Variants in SQSTM1 observed in about 807,000 individuals in gnomAD.
SQSTM1 encodes the protein sequestosome 1.
A neutral mutation model predicts 45.1 loss-of-function variants in SQSTM1; 36 were observed. That is an observed-to-expected ratio of 0.80 (90% CI 0.61 to 1.05). SQSTM1 has a LOEUF of 1.05. SQSTM1 is among the 50% of genes least tolerant of loss of function. The pLI is 0.00. For missense variants in SQSTM1, 617 were observed against 607.1 expected, an observed-to-expected ratio of 1.02 and a Z score of -0.17; for synonymous variants, 290 against 244.3, an observed-to-expected ratio of 1.19 and a Z score of -1.74.
intron 5 of SQSTM1, 91 bp from the exon 6 acceptor site, chr5:179,832,940 CG>C (rs1325211896): frequency 1.9e-4 from 244 of 1,285,006 alleles, no homozygotes; most frequent in Non-Finnish European, 2.6e-4. Context: ...TTGAGATCTT[CG>C]TGAGTCTGTA....
In SQSTM1 at chr5:179,837,338, A is replaced by C; in HGVS notation, c.*745A>C. ...AGTATCTTTAAAAGTGCCTTAGGGG[A>C]ACCCTGTCCCTCCTAACAAGTGTAT... On this transcript the variant is annotated 3_prime_UTR_variant, in exon 8 of 8. Transcript: ENST00000389805. The C allele has an allele frequency of 6.3e-7, 1 of 1,584,814 alleles. No individual in the cohort carries two copies. Among genetic ancestry groups the C allele is most frequent in the Non-Finnish European group, 8.6e-7 (1 of 1,165,496 alleles).
chr5:179,825,031 T>C, intron 4 of SQSTM1, 115 bp from the exon 5 acceptor site: 1 of 1,003,168 alleles, frequency 1.0e-6, no homozygotes, highest in Non-Finnish European at 1.5e-6. Flanking sequence ...CTGGACAAGA[T>C]GTCCGGGTTA....
chr5:179,821,237 C>G (rs898032145), intron 1 of SQSTM1, 96 bp downstream of exon 1: 3 of 1,201,716 alleles, frequency 2.5e-6, no homozygotes, highest in Non-Finnish European at 3.2e-6. Flanking sequence ...CGACGCCTGG[C>G]GGGCCGTGAG....
chr5:179,833,839 CCCT>C (rs1561606366), intron 7 of SQSTM1, 57 bp downstream of exon 7: 5 of 1,571,226 alleles, frequency 3.2e-6, no homozygotes, highest in East Asian at 2.2e-5. Context: ...GAGCATCCTG[CCCT>C]CCTCTGATTT....
chr5:179,828,361 T>A (rs1421343270), intron 5 of SQSTM1, among the ~76,000 whole-genome samples: 31 of 149,930 alleles, frequency 2.1e-4, no homozygotes, highest in African/African-American at 6.2e-4. Context: ...ACCTTTTTTT[T>A]TTCTTATCTT....
chr5:179,825,004 G>A (rs1008087696), intron 4 of SQSTM1, 142 bp from the exon 5 acceptor site: 2 of 759,864 alleles, frequency 2.6e-6, no homozygotes, highest in Admixed American at 2.0e-5. Flanking sequence ...AAGGAGAGGG[G>A]GATGCTGAGT....
At chr5:179,822,273 G>A (rs560739061) in intron 1 of SQSTM1, among the ~76,000 whole-genome samples, 1 of 152,188 alleles carries the variant, frequency 6.6e-6, no homozygotes, top group South Asian at 2.1e-4. Context: ...GTTTTTTTTG[G>A]AGGAATAATA....
In SQSTM1 at chr5:179,806,491, C is replaced by G. The variant is rs1376584029; in HGVS notation, c.-257C>G. Reference sequence around the variant, plus strand: ...CCGGGCGGGGGTCGCGCTCACCTTTCTGGCCGCTGAGTGCCGCGTACCAGG... The same window carrying G: ...CCGGGCGGGGGTCGCGCTCACCTTTGTGGCCGCTGAGTGCCGCGTACCAGG... On this transcript the variant is annotated 5_prime_UTR_variant, in exon 1 of 6. Coordinates refer to the SQSTM1 transcript ENST00000514093. The surrounding 1 kb of genome is among the most constrained non-coding windows in gnomAD (Gnocchi z 4.6). 6.9e-6 allele frequency: 9 copies of G among 1,306,778 alleles called. No homozygotes were observed. The Admixed American group carries it at 1.6e-4, about 23-fold the overall frequency. 80.9% of individuals were successfully genotyped at this position (1,306,778 alleles called of 1,614,324 possible).
chr5:179,837,665 T>G lies in SQSTM1; in HGVS notation c.*1072T>G, dbSNP rs1318586958. The G allele has an allele frequency of 8.7e-6, 14 of 1,614,058 alleles. No individual in the cohort carries two copies. The highest frequency in any genetic ancestry group is 1.2e-5 in the Non-Finnish European group (14 of 1,180,042). ...CTGTGCTGGACCAGCTGGCCTGGGG[T>G]CCCTCTGAAGAGACCTTGGCTGCTC... is the stretch of plus-strand genomic sequence containing the variant. On this transcript the variant is annotated 3_prime_UTR_variant, in exon 8 of 8. Coordinates refer to ENST00000389805, the MANE Select transcript of SQSTM1 (RefSeq NM_003900.5).
intron 7 of SQSTM1, chr5:179,835,566 A>G (rs1161681120): frequency 6.4e-6 from 1 of 157,224 alleles, no homozygotes; most frequent in Non-Finnish European, 1.4e-5. Flanking sequence ...CGCACCTGCA[A>G]TCGCAGGCAC....
At chr5:179,828,463 TC>T (rs1190420196) in intron 5 of SQSTM1, among the ~76,000 whole-genome samples, 2 of 145,176 alleles carry the variant, frequency 1.4e-5, no homozygotes, top group African/African-American at 2.6e-5. Context: ...AACCTCTGCC[TC>T]CCGGGTTCAA....
At chr5:179,824,394 G>A (rs539787145) in intron 4 of SQSTM1, 71 bp downstream of exon 4, 2 of 1,608,062 alleles carry the variant, frequency 1.2e-6, no homozygotes, top group Admixed American at 1.7e-5. Flanking sequence ...GGGCCCTTGT[G>A]CAAAGCGTGT....
At chr5:179,823,739 G>A (rs965470783) in intron 2 of SQSTM1, 119 bp from the exon 3 acceptor site, 2 of 1,133,704 alleles carry the variant, frequency 1.8e-6, no homozygotes, top group South Asian at 1.4e-5. Flanking sequence ...ATTTTGTGTG[G>A]ATTCCATGCT....
At chr5:179,819,694 G>A (rs982443478), upstream of SQSTM1, among the ~76,000 whole-genome samples, 1 of 152,176 alleles carries the variant, frequency 6.6e-6, no homozygotes, top group Admixed American at 6.5e-5. Context: ...AGGCCCTGGG[G>A]CATTTTCCAC....
In SQSTM1 at chr5:179,822,965, C is replaced by T. The variant is rs780842511; in HGVS notation, c.213C>T (p.Asp71=). 7 of 1,614,030 alleles carry T rather than the reference C, an allele frequency of 4.3e-6. No individual in the cohort carries two copies. Among genetic ancestry groups the T allele is most frequent in the Middle Eastern group, 1.6e-4 (1 of 6,062 alleles). The change falls in exon 2 of 8, where the codon GAC becomes GAT. Residue 71 remains aspartate, a synonymous_variant. Coordinates refer to ENST00000389805, the MANE Select transcript of SQSTM1 (RefSeq NM_003900.5). ...GGFQAHYRDE[D]GDLVAFSSDE... ...GTCTTTTAAACAATCTAGATGAGGA[C>T]GGGGACTTGGTTGCCTTTTCCAGTG...
intron 5 of SQSTM1, among the ~76,000 whole-genome samples, chr5:179,827,846 A>G (rs10051350): frequency 0.42 from 63,943 of 152,106 alleles, 14,948 homozygotes; most frequent in East Asian, 0.79. Context: ...CAGGGCCCAA[A>G]GGGGAACGAA....
Position 179,836,945 on chromosome 5 carries a change from A to T in SQSTM1, c.*352A>T. 1.6e-6 allele frequency: 1 copy of T among 607,210 alleles called. No individual in the cohort carries two copies. Among genetic ancestry groups the T allele is most frequent in the South Asian group, 2.0e-5 (1 of 49,448 alleles). 37.6% of individuals were successfully genotyped at this position (607,210 alleles called of 1,614,324 possible). The stretch of plus-strand genomic sequence containing the variant: ...CTTTCTCTTTTGTTTTAAATGACTC[A>T]TAGGTCCCTGACATTTAGTTGATTA... On this transcript the variant is annotated 3_prime_UTR_variant, in exon 8 of 8. Transcript: ENST00000389805.
At chr5:179,833,550 C>T (rs780575333) in intron 6 of SQSTM1, 37 bp from the exon 7 acceptor site, 19 of 1,610,716 alleles carry the variant, frequency 1.2e-5, no homozygotes, top group African/African-American at 2.7e-5. Flanking sequence ...GCCTGTTGCG[C>T]GTGTCTCCTG....
intron 5 of SQSTM1, among the ~76,000 whole-genome samples, chr5:179,828,563 G>A (rs1410239478): frequency 2.6e-5 from 4 of 151,834 alleles, no homozygotes; most frequent in Admixed American, 6.6e-5. Flanking sequence ...TAGTAGAGAC[G>A]AGGTTTCTCT....
Sources: allele counts gnomAD v4.1 joint callset (sites outside exome capture counted in the v4.1 genomes callset), GRCh38; gene constraint gnomAD v4.1.1; non-coding constraint Gnocchi (gnomAD v3.1); transcripts MANE v1.5; gene names NCBI Gene and HGNC (gene_info 2026-07-23, HGNC 2026-07-21).